The following TMEM132D variants were observed in gnomAD, a reference collection of about 807,000 sequenced individuals.
TMEM132D encodes the protein mature OL transmembrane protein.
TMEM132D carries 21 observed loss-of-function variants against 62.3 expected under a neutral mutation model. The observed-to-expected ratio is 0.34, with a 90% CI of 0.24 to 0.49. The LOEUF is 0.49. TMEM132D is among the 20% of genes least tolerant of loss of function. The pLI is 0.99. For synonymous variants in TMEM132D, 621 were observed against 575.6 expected, an observed-to-expected ratio of 1.08 and a Z score of -1.13; for missense variants, 1,346 against 1,402.8, an observed-to-expected ratio of 0.96 and a Z score of 0.65.
At chr12:129,644,406 T>C (rs1167023816) in intron 2 of TMEM132D, among the ~76,000 whole-genome samples, 1 of 152,158 alleles carries the variant, frequency 6.6e-6, no homozygotes, top group East Asian at 1.9e-4. Context: ...AGCCTCACTG[T>C]GGCCATAATT....
chr12:129,218,918 A>G (rs569166736), intron 4 of TMEM132D, among the ~76,000 whole-genome samples: 7 of 152,258 alleles, frequency 4.6e-5, no homozygotes, highest in African/African-American at 1.7e-4. Flanking sequence ...TGCCCAGAGG[A>G]ACTCGATTTA....
intron 3 of TMEM132D, among the ~76,000 whole-genome samples, chr12:129,414,890 A>T (rs1394423257): frequency 1.3e-5 from 2 of 152,120 alleles, no homozygotes; most frequent in African/African-American, 4.8e-5. Context: ...CAACTCTTTT[A>T]GATTCCACAT....
intron 3 of TMEM132D, among the ~76,000 whole-genome samples, chr12:129,394,952 A>G (rs1000314294): frequency 2.0e-5 from 3 of 152,140 alleles, no homozygotes; most frequent in African/African-American, 7.2e-5. Flanking sequence ...TGACTTGTAT[A>G]CTCAGAAGGG....
At chr12:129,380,937 T>G (rs1870931402) in intron 3 of TMEM132D, among the ~76,000 whole-genome samples, 1 of 152,224 alleles carries the variant, frequency 6.6e-6, no homozygotes, top group South Asian at 2.1e-4. Flanking sequence ...TGAAATCTTT[T>G]CAAATAAATA....
chr12:129,770,982 G>A (rs181370481), intron 1 of TMEM132D, among the ~76,000 whole-genome samples: 1 of 152,312 alleles, frequency 6.6e-6, no homozygotes, highest in Admixed American at 6.5e-5. Context: ...TGAGTTCGGA[G>A]AGGCACAGGT....
At chr12:129,870,976 C>T (rs1874221805) in intron 1 of TMEM132D, among the ~76,000 whole-genome samples, 1 of 152,092 alleles carries the variant, frequency 6.6e-6, no homozygotes, top group Non-Finnish European at 1.5e-5. Context: ...GACATTAGAA[C>T]ACCTGTGGAG....
chr12:129,460,249 T>C (rs1367461625), intron 3 of TMEM132D, among the ~76,000 whole-genome samples: 2 of 152,210 alleles, frequency 1.3e-5, no homozygotes, highest in Admixed American at 6.5e-5. Flanking sequence ...TCCCGTGATG[T>C]CCGTGGATTC....
chr12:129,117,606 C>A (rs1875934304), intron 5 of TMEM132D, among the ~76,000 whole-genome samples: 2 of 152,128 alleles, frequency 1.3e-5, no homozygotes, highest in African/African-American at 4.8e-5. Context: ...AAGCTGGGAC[C>A]CAGCCTTTCT....
intron 1 of TMEM132D, among the ~76,000 whole-genome samples, chr12:129,886,230 C>G (rs1407958685): frequency 6.6e-6 from 1 of 152,118 alleles, no homozygotes; most frequent in Non-Finnish European, 1.5e-5. Flanking sequence ...TAGTGTTAAG[C>G]TCCTTGATTA....
chr12:129,253,375 C>T (rs894803538), intron 4 of TMEM132D, among the ~76,000 whole-genome samples: 24 of 151,964 alleles, frequency 1.6e-4, no homozygotes, highest in Non-Finnish European at 2.9e-4. Flanking sequence ...GATGTGCGCA[C>T]CCCACCCAAA....
At chr12:129,785,415 C>A (rs1871224438) in intron 1 of TMEM132D, among the ~76,000 whole-genome samples, 1 of 152,190 alleles carries the variant, frequency 6.6e-6, no homozygotes, top group Non-Finnish European at 1.5e-5. Flanking sequence ...ACAAAATCTA[C>A]CTCTGTGGGA....
At chr12:129,750,838 TTTG>T (rs1869977423) in intron 1 of TMEM132D, among the ~76,000 whole-genome samples, 1 of 151,630 alleles carries the variant, frequency 6.6e-6, no homozygotes, top group Non-Finnish European at 1.5e-5. Flanking sequence ...TTTTTGGATG[TTTG>T]CCTCACCAAA....
intron 5 of TMEM132D, among the ~76,000 whole-genome samples, chr12:129,108,965 T>C (rs1220153402): frequency 3.3e-5 from 5 of 152,234 alleles, no homozygotes; most frequent in Admixed American, 6.5e-5. Flanking sequence ...CAAACATCTG[T>C]TTACCCCTCG....
At chr12:129,518,099 G>C (rs1875735735) in intron 3 of TMEM132D, among the ~76,000 whole-genome samples, 1 of 152,074 alleles carries the variant, frequency 6.6e-6, no homozygotes, top group Non-Finnish European at 1.5e-5. Context: ...TCCCCCCTAA[G>C]GAGGATAAAC....
intron 3 of TMEM132D, among the ~76,000 whole-genome samples, chr12:129,393,491 G>A (rs564645551): frequency 2.0e-5 from 3 of 152,276 alleles, no homozygotes; most frequent in South Asian, 2.1e-4. Flanking sequence ...GGGGTTTGCT[G>A]AAGGCACACT....
At chr12:129,199,851 G>A (rs536280282) in intron 5 of TMEM132D, among the ~76,000 whole-genome samples, 15 of 152,232 alleles carry the variant, frequency 9.9e-5, no homozygotes, top group South Asian at 4.2e-4. Context: ...ACCTCCCACT[G>A]GGTCCCTCGC....
In TMEM132D at chr12:129,073,972, C is replaced by T. The variant is rs1454872768; in HGVS notation, c.3203G>A (p.Ser1068Asn). The T allele has an allele frequency of 1.2e-6, 2 of 1,613,626 alleles. No individual in the cohort carries two copies. Among genetic ancestry groups the T allele is most frequent in the South Asian group, 2.2e-5 (2 of 90,972 alleles). Reference protein sequence around the residue: ...EYPTRNSIVMSSEDDIKWVCQ... With the variant: ...EYPTRNSIVMNSEDDIKWVCQ... ...GACCCACTTAATGTCATCCTCGCTACTCATCACGATGGAGTTCCTGGTGGG... is the reference window on the plus strand; with the variant it reads ...GACCCACTTAATGTCATCCTCGCTATTCATCACGATGGAGTTCCTGGTGGG... Residue 1068 changes from serine to asparagine, a missense_variant, in exon 9 of 9, where the codon AGT becomes AAT. Ser to Asn is a conservative substitution (Grantham distance 46). Transcript: ENST00000422113.
At chr12:129,139,190 A>G (rs1263990335) in intron 5 of TMEM132D, among the ~76,000 whole-genome samples, 8 of 152,200 alleles carry the variant, frequency 5.3e-5, no homozygotes, top group Non-Finnish European at 1.2e-4. Context: ...GCCCCAGAGC[A>G]AGTGATGGGC....
chr12:129,222,486 T>A lies in TMEM132D; in HGVS notation c.1300-12823A>T, dbSNP rs191183089. Among the ~76,000 whole-genome samples, 95 of 152,364 alleles carry A rather than the reference T, an allele frequency of 6.2e-4. 1 individual carries two copies. The highest frequency in any genetic ancestry group is 2.2e-3 in the African/African-American group (92 of 41,586). On this transcript the variant is annotated intron_variant, in intron 4 of 8. Transcript: ENST00000422113. ...AAATAATATGCTATATTCCCCTTTT[T>A]TGATATAGCAGTTTTAGACTTTAGC...
Sources: allele counts gnomAD v4.1 joint callset (sites outside exome capture counted in the v4.1 genomes callset), GRCh38; gene constraint gnomAD v4.1.1; transcripts MANE v1.5; gene names NCBI Gene and HGNC (gene_info 2026-07-23, HGNC 2026-07-21).